The following CLSTN2 variants were observed in gnomAD, a reference collection of about 807,000 sequenced individuals.
The protein encoded by CLSTN2 is calsyntenin-2.
Under a neutral mutation model 101.2 loss-of-function variants are expected in CLSTN2, and 48 were observed. The ratio of observed to expected loss-of-function variants is 0.47; its 90% CI spans 0.38 to 0.60. The LOEUF is 0.60. Among genes scored for constraint, CLSTN2 ranks in the 20% least tolerant of loss-of-function variants. The pLI is 0.00. For missense variants in CLSTN2, 1,160 were observed against 1,238.2 expected, an observed-to-expected ratio of 0.94 and a Z score of 0.95; for synonymous variants, 481 against 463.6, an observed-to-expected ratio of 1.04 and a Z score of -0.48.
At chr3:140,524,211 GAACTCA>G (rs1935090631) in intron 8 of CLSTN2, among the ~76,000 whole-genome samples, 1 of 152,206 alleles carries the variant, frequency 6.6e-6, no homozygotes, top group Non-Finnish European at 1.5e-5. Flanking sequence ...GGGAAACACT[GAACTCA>G]AACTTGGACA....
intron 1 of CLSTN2, among the ~76,000 whole-genome samples, chr3:139,955,657 T>C (rs79682805): frequency 0.27 from 3,476 of 12,696 alleles, 115 homozygotes; most frequent in Middle Eastern, 0.33. Flanking sequence ...GAGTCCCTCT[T>C]CGAAGTCATC....
chr3:140,377,042 A>AGAGAGAGAGAGGGTG (rs143529942), intron 2 of CLSTN2, among the ~76,000 whole-genome samples: 2 of 149,800 alleles, frequency 1.3e-5, no homozygotes, highest in Non-Finnish European at 3.0e-5. Flanking sequence ...GAGAGAGAGG[A>AGAGAGAGAGAGGGTG]TGTGTGTGTG....
chr3:140,155,353 A>C (rs772561276), intron 1 of CLSTN2, among the ~76,000 whole-genome samples: 5 of 152,200 alleles, frequency 3.3e-5, no homozygotes, highest in Non-Finnish European at 7.3e-5. Context: ...GTTAGGAAAA[A>C]GCAGAAATCA....
At chr3:140,159,264 G>A (rs1011381897) in intron 1 of CLSTN2, among the ~76,000 whole-genome samples, 3 of 152,058 alleles carry the variant, frequency 2.0e-5, no homozygotes, top group East Asian at 3.9e-4. Flanking sequence ...GAAAATATTT[G>A]CAAACTATGC....
At chr3:140,435,587 G>A (rs1393013498) in intron 5 of CLSTN2, among the ~76,000 whole-genome samples, 2 of 152,168 alleles carry the variant, frequency 1.3e-5, no homozygotes, top group African/African-American at 4.8e-5. Context: ...ATATACCTAG[G>A]AATCGGATTG....
Position 140,030,320 on chromosome 3 carries a change from G to T in CLSTN2, c.109+94837G>T, listed in dbSNP as rs539367411. Among the ~76,000 whole-genome samples, 25 of 152,192 alleles carry T rather than the reference G, an allele frequency of 1.6e-4. 1 individual carries two copies. In the East Asian group the frequency reaches 3.9e-3, roughly 24 times the overall value. ...GTAGCTTCCCCAATGTTATACCTCT[G>T]GTGTGAGTAGAATATACTTCCTAGG... On this transcript the variant is annotated intron_variant, in intron 1 of 16. Coordinates refer to ENST00000458420, the MANE Select transcript of CLSTN2 (RefSeq NM_022131.3).
intron 1 of CLSTN2, among the ~76,000 whole-genome samples, chr3:140,098,908 C>T (rs2008916084): frequency 6.6e-6 from 1 of 152,132 alleles, no homozygotes; most frequent in Admixed American, 6.5e-5. Flanking sequence ...AGACACTGTC[C>T]AGGCCAGATC....
At position 140,162,992 on chromosome 3, in the gene CLSTN2, T is replaced by C. The variant is rs76853449; in HGVS notation, c.110-12959T>C. On this transcript the variant is annotated intron_variant, in intron 1 of 16. Transcript: ENST00000458420. ...AAGTATAGCATTTCTTTCTAAGCTT[T>C]AGAGAAATTTGTACTATCCTATCAA... Among the ~76,000 whole-genome samples the C allele has an allele frequency of 5.9e-3, 902 of 152,296 alleles. 3 individuals are homozygous for C. Among genetic ancestry groups the C allele is most frequent in the African/African-American group, 0.019 (777 of 41,564 alleles).
chr3:140,371,171 C>T (rs1444170684), intron 2 of CLSTN2, among the ~76,000 whole-genome samples: 2 of 152,168 alleles, frequency 1.3e-5, no homozygotes, highest in Non-Finnish European at 2.9e-5. Flanking sequence ...CCAGGTGAGG[C>T]ATGCCTTCCA....
chr3:140,425,200 C>T (rs994961036), intron 5 of CLSTN2, among the ~76,000 whole-genome samples: 12 of 152,220 alleles, frequency 7.9e-5, no homozygotes, highest in African/African-American at 2.9e-4. Context: ...CAGCATGTCA[C>T]CCAGTCCTTA....
intron 1 of CLSTN2, among the ~76,000 whole-genome samples, chr3:140,119,937 G>A (rs2009311177): frequency 6.6e-6 from 1 of 152,090 alleles, no homozygotes; most frequent in African/African-American, 2.4e-5. Context: ...CATGAAATGG[G>A]TATTGTATAG....
chr3:140,279,713 C>T (rs1051967829), intron 2 of CLSTN2, among the ~76,000 whole-genome samples: 1 of 152,190 alleles, frequency 6.6e-6, no homozygotes, highest in Non-Finnish European at 1.5e-5. Context: ...GTCCCTGGCA[C>T]CTGTCAGTAA....
At chr3:140,384,295 G>A (rs896873359) in intron 2 of CLSTN2, among the ~76,000 whole-genome samples, 1 of 152,126 alleles carries the variant, frequency 6.6e-6, no homozygotes, top group Admixed American at 6.5e-5. Context: ...GCAAATAATC[G>A]TTTTATTTTG....
rs1353086433 is a variant in CLSTN2 at position 140,332,318 on chromosome 3, G to GA, written c.233-71305dup. Among the ~76,000 whole-genome samples, 30 of 152,166 alleles carry GA rather than the reference G, an allele frequency of 2.0e-4. 1 individual carries two copies. The highest frequency in any genetic ancestry group is 2.0e-3 in the Admixed American group (30 of 15,280). ...TCTTGCGTTATCAAACTGGAGGCAG[G>GA]AAAAAAGAGATGAAGCTGGGGGAGG... On this transcript the variant is annotated intron_variant, in intron 2 of 16. Coordinates refer to ENST00000458420, the MANE Select transcript of CLSTN2 (RefSeq NM_022131.3).
intron 1 of CLSTN2, among the ~76,000 whole-genome samples, chr3:140,020,678 TCTC>T (rs1387464159): frequency 6.6e-6 from 1 of 152,066 alleles, no homozygotes; most frequent in Non-Finnish European, 1.5e-5. Context: ...AATAGCATCT[TCTC>T]CTCCCGCTAG....
chr3:140,399,625 T>C (rs1274716045), intron 2 of CLSTN2, among the ~76,000 whole-genome samples: 1 of 152,258 alleles, frequency 6.6e-6, no homozygotes, highest in Non-Finnish European at 1.5e-5. Flanking sequence ...ACAGTTCATA[T>C]ATACATATGT....
At chr3:140,327,469 G>T (rs928819993) in intron 2 of CLSTN2, among the ~76,000 whole-genome samples, 2 of 152,198 alleles carry the variant, frequency 1.3e-5, no homozygotes, top group Non-Finnish European at 2.9e-5. Context: ...GCTGGGCTCA[G>T]GTTAGGAATG....
Position 140,514,661 on chromosome 3 carries a change from GA to G in CLSTN2, c.1345-17661del, listed in dbSNP as rs569531390. Among the ~76,000 whole-genome samples the G allele has an allele frequency of 1.6e-3, 245 of 152,218 alleles. 1 individual carries two copies. Among genetic ancestry groups the G allele is most frequent in the Non-Finnish European group, 2.8e-3 (193 of 67,984 alleles). On this transcript the variant is annotated intron_variant, in intron 8 of 16. Coordinates refer to ENST00000458420, the MANE Select transcript of CLSTN2 (RefSeq NM_022131.3). ...TAGATTCCCAGGAGTGGGATTGCTG[GA>G]ACAAATGGTAGTTCTACTTTTAGTT...
intron 8 of CLSTN2, among the ~76,000 whole-genome samples, chr3:140,467,442 C>G (rs1440554819): frequency 1.3e-5 from 2 of 152,168 alleles, no homozygotes; most frequent in Non-Finnish European, 2.9e-5. Context: ...TGAAAGGGAC[C>G]AGGCGCTAAT....
Sources: gnomAD v4.1 joint callset for allele counts (sites outside exome capture counted in the v4.1 genomes callset) on GRCh38, gnomAD v4.1.1 for gene constraint, MANE v1.5 for transcripts, NCBI Gene and HGNC (gene_info 2026-07-23, HGNC 2026-07-21) for gene names.